C8orf34: variants seen among roughly 807,000 people sequenced by gnomAD.
C8orf34 encodes chromosome 8 open reading frame 34.
Under a neutral mutation model 68.3 loss-of-function variants are expected in C8orf34, and 65 were observed. The ratio of observed to expected loss-of-function variants is 0.95; its 90% CI spans 0.78 to 1.17. The LOEUF is 1.17. C8orf34 is among the 50% of genes most tolerant of loss of function. The probability of loss-of-function intolerance (pLI) is 0.00; values close to 1 mark genes in which losing one functional copy is unlikely to be tolerated. For synonymous variants in C8orf34, 244 were observed against 241.2 expected, an observed-to-expected ratio of 1.01 and a Z score of -0.11; for missense variants, 664 against 655.4, an observed-to-expected ratio of 1.01 and a Z score of -0.14.
Position 68,710,793 on chromosome 8 carries a change from C to G in C8orf34, c.1327+1714C>G, listed in dbSNP as rs545350286. On this transcript the variant is annotated intron_variant, in intron 9 of 13. Transcript: ENST00000518698. ...AATACTTAACCAGGTGTTCCTAGGGCAAGTTTGCATCCTCATAGGGCCAAT... is the reference window on the plus strand; with the variant it reads ...AATACTTAACCAGGTGTTCCTAGGGGAAGTTTGCATCCTCATAGGGCCAAT... 1.2e-4 allele frequency among the ~76,000 whole-genome samples: 19 copies of G among 152,252 alleles called. No homozygotes were observed. The East Asian group carries it at 3.7e-3, about 29-fold the overall frequency.
chr8:68,565,238 G>A (rs1455320834), intron 7 of C8orf34, among the ~76,000 whole-genome samples: 1 of 152,120 alleles, frequency 6.6e-6, no homozygotes, highest in African/African-American at 2.4e-5. Context: ...TAGTCGTGAT[G>A]TTTTCAGAAT....
rs187314207 is a variant in C8orf34, at chr8:68,347,417, A to G, written c.327+16078A>G. 1.3e-4 allele frequency among the ~76,000 whole-genome samples: 20 copies of G among 152,182 alleles called. No individual in the cohort carries two copies. In the East Asian group the frequency reaches 1.9e-3, roughly 15 times the overall value. The stretch of plus-strand genomic sequence containing the variant: ...CTTTGCTATTATGAATAGTGCTGCA[A>G]TGAACATTCTTGTGTATGTGTCTTT... On this transcript the variant is annotated intron_variant, in intron 1 of 13. Coordinates refer to ENST00000518698, the MANE Select transcript of C8orf34 (RefSeq NM_052958.4).
intron 3 of C8orf34, among the ~76,000 whole-genome samples, chr8:68,453,312 G>T (rs1450637163): frequency 6.6e-6 from 1 of 151,982 alleles, no homozygotes; most frequent in East Asian, 1.9e-4. Flanking sequence ...AAATATTTCT[G>T]CATAAAGGCC....
chr8:68,573,944 A>G (rs542527068), intron 7 of C8orf34, among the ~76,000 whole-genome samples: 4 of 152,310 alleles, frequency 2.6e-5, no homozygotes, highest in African/African-American at 7.2e-5. Context: ...GTATTTATGC[A>G]TATTCTTATC....
At chr8:68,591,444 C>A (rs1817385491) in intron 7 of C8orf34, among the ~76,000 whole-genome samples, 1 of 152,136 alleles carries the variant, frequency 6.6e-6, no homozygotes, top group Non-Finnish European at 1.5e-5. Flanking sequence ...GAATTAGTTT[C>A]ACCTTCGTAG....
intron 7 of C8orf34, among the ~76,000 whole-genome samples, chr8:68,603,467 G>A (rs997517826): frequency 7.0e-6 from 1 of 143,100 alleles, no homozygotes; most frequent in African/African-American, 2.8e-5. Context: ...CCCAGATCAT[G>A]GTATATTTAT....
chr8:68,389,984 CT>C lies in C8orf34; in HGVS notation c.328-49514del, dbSNP rs1356119301. 5.3e-5 allele frequency among the ~76,000 whole-genome samples: 8 copies of C among 152,180 alleles called. No individual in the cohort carries two copies. In the South Asian group the frequency reaches 1.2e-3, roughly 24 times the overall value. On this transcript the variant is annotated intron_variant, in intron 1 of 13. Coordinates refer to ENST00000518698, the MANE Select transcript of C8orf34 (RefSeq NM_052958.4). ...GCATGTGAGTAAGCATTTTGGTGAG[CT>C]GCAGTTACTCTTGAAGGGGTCACCA...
intron 1 of C8orf34, among the ~76,000 whole-genome samples, chr8:68,353,269 G>A (rs1806592317): frequency 6.6e-6 from 1 of 151,886 alleles, no homozygotes; most frequent in African/African-American, 2.4e-5. Flanking sequence ...TATTAGAACT[G>A]CACTCCCCCA....
chr8:68,503,180 C>T (rs1465162699), intron 5 of C8orf34, among the ~76,000 whole-genome samples: 1 of 151,964 alleles, frequency 6.6e-6, no homozygotes. Context: ...CCTGACTTGT[C>T]CAGAGATAAT....
rs559667128 is a variant in C8orf34, at chr8:68,559,851, C to T, written c.1105+26702C>T. 2.6e-5 allele frequency among the ~76,000 whole-genome samples: 4 copies of T among 152,196 alleles called. No homozygotes were observed. In the South Asian group the frequency reaches 8.3e-4, roughly 32 times the overall value. On this transcript the variant is annotated intron_variant, in intron 7 of 13. Transcript: ENST00000518698. ...ACTCCTAGGGACATGTGGGTGGGCTCCACCTGAATGTAGAAGTGTGGGCTG... is the reference window on the plus strand; with the variant it reads ...ACTCCTAGGGACATGTGGGTGGGCTTCACCTGAATGTAGAAGTGTGGGCTG...
intron 7 of C8orf34, among the ~76,000 whole-genome samples, chr8:68,604,733 T>A (rs753877392): frequency 2.6e-5 from 4 of 152,032 alleles, no homozygotes; most frequent in Non-Finnish European, 5.9e-5. Context: ...GACCTAAATG[T>A]AAAAGGCAAA....
At chr8:68,457,814 T>C (rs1461080146) in intron 3 of C8orf34, among the ~76,000 whole-genome samples, 1 of 152,188 alleles carries the variant, frequency 6.6e-6, no homozygotes, top group Non-Finnish European at 1.5e-5. Context: ...CTATAGGTTT[T>C]ATTAGGTAGT....
intron 1 of C8orf34, among the ~76,000 whole-genome samples, chr8:68,431,781 T>C (rs974867182): frequency 1.8e-4 from 28 of 152,326 alleles, no homozygotes; most frequent in African/African-American, 6.7e-4. Context: ...GCCTGTATTA[T>C]TGAAAGTAGA....
chr8:68,627,085 T>C (rs1300192707), intron 7 of C8orf34, among the ~76,000 whole-genome samples: 2 of 152,152 alleles, frequency 1.3e-5, no homozygotes, highest in Non-Finnish European at 2.9e-5. Context: ...AATTACACAT[T>C]TTTACCCATC....
chr8:68,426,518 C>CAAAA lies in C8orf34; in HGVS notation c.328-12961_328-12958dup, dbSNP rs753578060. Among the ~76,000 whole-genome samples the CAAAA allele has an allele frequency of 2.1e-3, 61 of 29,616 alleles. 1 individual carries two copies. In the East Asian group the frequency reaches 0.033, roughly 16 times the overall value. The allele number at this position is 29,616 out of a possible 152,430, so 19.4% of individuals were successfully genotyped here. A position where few individuals can be genotyped will look rare whatever the true frequency, so the allele number is the denominator to read the frequency against. On this transcript the variant is annotated intron_variant, in intron 1 of 13. Transcript: ENST00000518698. ...TGAGTGACAGAATAAGACCTTGTCTCAAAAAAAAAAAAAAAAAAAAAAAGA... is the reference window on the plus strand; with the variant it reads ...TGAGTGACAGAATAAGACCTTGTCTCAAAAAAAAAAAAAAAAAAAAAAAAAAAGA...
chr8:68,503,784 G>A (rs1384734061), intron 5 of C8orf34, among the ~76,000 whole-genome samples: 1 of 150,544 alleles, frequency 6.6e-6, no homozygotes, highest in Non-Finnish European at 1.5e-5. Flanking sequence ...TGGAATAAAC[G>A]TTCACCTCTT....
chr8:68,790,791 T>C (rs1823972670), intron 12 of C8orf34: 1 of 689,796 alleles, frequency 1.4e-6, no homozygotes, highest in Non-Finnish European at 2.6e-6. Flanking sequence ...TGTTTAACAC[T>C]CATATTCTGG....
At chr8:68,377,643 C>T (rs1244667018) in intron 1 of C8orf34, among the ~76,000 whole-genome samples, 1 of 152,030 alleles carries the variant, frequency 6.6e-6, no homozygotes, top group African/African-American at 2.4e-5. Context: ...CACATGACCA[C>T]TTTTTTGGGT....
intron 9 of C8orf34, among the ~76,000 whole-genome samples, chr8:68,714,282 A>G (rs1821407135): frequency 6.6e-6 from 1 of 152,170 alleles, no homozygotes; most frequent in Non-Finnish European, 1.5e-5. Context: ...TGGAAGTCCT[A>G]GCCAGAGCAG....
Sources: gnomAD v4.1 joint callset for allele counts (sites outside exome capture counted in the v4.1 genomes callset) on GRCh38, gnomAD v4.1.1 for gene constraint, MANE v1.5 for transcripts, NCBI Gene and HGNC (gene_info 2026-07-23, HGNC 2026-07-21) for gene names.